Variants in CERT1 observed in about 807,000 individuals in gnomAD.
CERT1 encodes ceramide transporter 1, also known as ceramide transfer protein.
CERT1 carries 31 observed loss-of-function variants against 87.9 expected under a neutral mutation model. That is an observed-to-expected ratio of 0.35 (90% confidence interval 0.27 to 0.48). CERT1 has a LOEUF of 0.48. CERT1 is among the 20% of genes least tolerant of loss of function. The pLI, the probability that CERT1 is intolerant of heterozygous loss-of-function variation, is 0.99. For synonymous variants in CERT1, 289 were observed against 250.9 expected, an observed-to-expected ratio of 1.15 and a Z score of -1.44; for missense variants, 487 against 758.0, an observed-to-expected ratio of 0.64 and a Z score of 4.20.
intron 2 of CERT1, among the ~76,000 whole-genome samples, chr5:75,476,146 A>C (rs1302529389): frequency 1.3e-5 from 2 of 152,162 alleles, no homozygotes; most frequent in Non-Finnish European, 2.9e-5. Context: ...TAAAAACACA[A>C]ACAAAGGTGG....
rs192413612 is a variant in CERT1, at chr5:75,453,244, C to T, written c.348+5821G>A. On this transcript the variant is annotated intron_variant, in intron 3 of 16. Coordinates refer to ENST00000643780, the MANE Select transcript of CERT1 (RefSeq NM_001379029.1). ...CCATGAGGATTTTAAGGGGGAAAAGCCTTCAAATATCACAAATTTCTCCCA... is the reference window on the plus strand; with the variant it reads ...CCATGAGGATTTTAAGGGGGAAAAGTCTTCAAATATCACAAATTTCTCCCA... Among the ~76,000 whole-genome samples the T allele has an allele frequency of 7.8e-4, 118 of 152,194 alleles. 1 individual carries two copies. The highest frequency in any genetic ancestry group is 1.3e-3 in the Non-Finnish European group (91 of 67,988).
intron 7 of CERT1, among the ~76,000 whole-genome samples, chr5:75,415,101 C>T (rs1026424763): frequency 6.6e-6 from 1 of 151,954 alleles, no homozygotes; most frequent in African/African-American, 2.4e-5. Flanking sequence ...GAGTTGCTTA[C>T]CAATAAATAC....
Position 75,381,080 on chromosome 5 carries a change from A to G in CERT1, c.1739T>C (p.Val580Ala). The G allele has an allele frequency of 1.2e-6, 2 of 1,614,106 alleles. No individual in the cohort carries two copies. The highest frequency in any genetic ancestry group is 8.5e-7 in the Non-Finnish European group (1 of 1,179,950). The stretch of plus-strand genomic sequence containing the variant: ...AACAATAAAATACATACCATTAGCT[A>G]CATATGTAATCTTGCATAGAATGTT... ...RDNILCKITY[V>A]ANVNPGGWAP... The change falls in exon 16 of 17, where the codon GTA becomes GCA. Residue 580 changes from valine to alanine, a missense_variant. Physicochemically the swap from Val to Ala is moderately conservative, Grantham distance 64. Around this residue, in one of 8 missense-constraint regions of CERT1, gnomAD observed 33 missense variants for 64.4 expected, o/e 0.51. Coordinates refer to ENST00000643780, the MANE Select transcript of CERT1 (RefSeq NM_001379029.1).
rs375650246 is a variant in CERT1, at chr5:75,398,038, T to TA, written c.1188+1271dup. On this transcript the variant is annotated intron_variant, in intron 11 of 16. Transcript: ENST00000643780. ...TGTCTCGAAAATAAATAAGTAAAAT[T>TA]AAAAAAAAATGCATAAATGGACAAG... Among the ~76,000 whole-genome samples the TA allele has an allele frequency of 1.7e-3, 250 of 150,800 alleles. 1 individual carries two copies. The highest frequency in any genetic ancestry group is 4.1e-3 in the Admixed American group (62 of 15,144).
chr5:75,392,697 C>T (rs891638643), intron 11 of CERT1, among the ~76,000 whole-genome samples: 6 of 151,994 alleles, frequency 3.9e-5, no homozygotes, highest in East Asian at 1.9e-4. Context: ...AGGCCAGGTG[C>T]GGTGGCTCAC....
intron 2 of CERT1, among the ~76,000 whole-genome samples, chr5:75,490,103 A>C (rs1336035802): frequency 6.6e-6 from 1 of 152,172 alleles, no homozygotes; most frequent in Non-Finnish European, 1.5e-5. Flanking sequence ...GGAACAGAAA[A>C]CCAAACACCG....
chr5:75,372,078 CA>C (rs939620154), intron 17 of CERT1: 4 of 152,094 alleles, frequency 2.6e-5, no homozygotes, highest in Non-Finnish European at 5.9e-5. Flanking sequence ...GAATCAATTG[CA>C]AAAGTATATC....
rs372600573 is a variant in CERT1, at chr5:75,497,468, G to T, written c.231+8514C>A. On this transcript the variant is annotated intron_variant, in intron 2 of 16. Coordinates refer to ENST00000643780, the MANE Select transcript of CERT1 (RefSeq NM_001379029.1). ...TTAGTAATCTGCCAAAGGTACCTTT[G>T]GCTGTAAGCAGTGATATGGTTTGGC... Among the ~76,000 whole-genome samples, 108 of 152,152 alleles carry T rather than the reference G, an allele frequency of 7.1e-4. 1 individual carries two copies. Among genetic ancestry groups the T allele is most frequent in the African/African-American group, 2.5e-3 (105 of 41,462 alleles).
At chr5:75,408,024 T>C (rs1278614281) in intron 8 of CERT1, among the ~76,000 whole-genome samples, 3 of 152,104 alleles carry the variant, frequency 2.0e-5, no homozygotes, top group African/African-American at 4.8e-5. Context: ...CTTACAAAAC[T>C]GAAACTCTGT....
intron 11 of CERT1, among the ~76,000 whole-genome samples, chr5:75,392,841 G>A (rs1242925769): frequency 1.3e-5 from 2 of 151,078 alleles, no homozygotes; most frequent in South Asian, 2.1e-4. Context: ...GTGGTGGTGG[G>A]TGCCTGTAGT....
intron 10 of CERT1, 125 bp downstream of exon 10, chr5:75,400,080 C>T (rs879330728): frequency 6.5e-5 from 44 of 676,156 alleles, no homozygotes; most frequent in South Asian, 4.2e-4. Flanking sequence ...TGTAGTGAGC[C>T]GAGATCGCGC....
At chr5:75,467,780 T>C (rs1765534762) in intron 2 of CERT1, among the ~76,000 whole-genome samples, 2 of 151,722 alleles carry the variant, frequency 1.3e-5, no homozygotes, top group Non-Finnish European at 2.9e-5. Flanking sequence ...CACAGATGAG[T>C]ATATGTAAAA....
At chr5:75,497,541 C>T (rs1266221929) in intron 2 of CERT1, among the ~76,000 whole-genome samples, 2 of 152,044 alleles carry the variant, frequency 1.3e-5, no homozygotes, top group African/African-American at 4.8e-5. Context: ...CCATAATCCC[C>T]ATGTGCTGTG....
At chr5:75,431,007 CT>C (rs1763840487) in intron 3 of CERT1, among the ~76,000 whole-genome samples, 1 of 152,318 alleles carries the variant, frequency 6.6e-6, no homozygotes, top group Non-Finnish European at 1.5e-5. Context: ...TGCCACTGTA[CT>C]CCAGTCTGGG....
intron 5 of CERT1, among the ~76,000 whole-genome samples, chr5:75,420,867 G>T (rs1430557628): frequency 6.6e-6 from 1 of 152,010 alleles, no homozygotes; most frequent in Non-Finnish European, 1.5e-5. Context: ...CTGTTGCCCA[G>T]CCTGGAGTGC....
chr5:75,385,787 T>C (rs1761761522), intron 13 of CERT1, 115 bp downstream of exon 13: 6 of 762,070 alleles, frequency 7.9e-6, no homozygotes, highest in Non-Finnish European at 1.1e-5. Flanking sequence ...TATATGATTT[T>C]CCAAATACTT....
intron 2 of CERT1, among the ~76,000 whole-genome samples, chr5:75,491,140 G>A (rs1766775563): frequency 6.6e-6 from 1 of 152,022 alleles, no homozygotes; most frequent in Non-Finnish European, 1.5e-5. Flanking sequence ...CTTTCCTTCT[G>A]TTTATTTTTG....
chr5:75,371,969 G>C (rs1580677966), intron 17 of CERT1: 1 of 152,058 alleles, frequency 6.6e-6, no homozygotes, highest in East Asian at 1.9e-4. Context: ...TGATTGGGTG[G>C]GATTAACTCT....
At chr5:75,419,642 C>T (rs1349900168) in intron 5 of CERT1, among the ~76,000 whole-genome samples, 1 of 152,116 alleles carries the variant, frequency 6.6e-6, no homozygotes, top group Non-Finnish European at 1.5e-5. Flanking sequence ...CTCCCCTCAA[C>T]CCCTGAATAT....
Sources: allele counts gnomAD v4.1 joint callset (sites outside exome capture counted in the v4.1 genomes callset), GRCh38; gene constraint gnomAD v4.1.1; regional missense constraint gnomAD v4.1.1; transcripts MANE v1.5; gene names NCBI Gene and HGNC (gene_info 2026-07-23, HGNC 2026-07-21).